The following CUX2 variants were observed in gnomAD, a reference collection of about 807,000 sequenced individuals.
CUX2 encodes the protein homeobox protein cut-like 2.
CUX2 carries 40 observed loss-of-function variants against 144.8 expected under a neutral mutation model. The ratio of observed to expected loss-of-function variants is 0.28; its 90% CI spans 0.21 to 0.36. CUX2 has a LOEUF of 0.36. Among genes scored for constraint, CUX2 ranks in the 10% least tolerant of loss-of-function variants. The pLI is 1.00. For missense variants in CUX2, 1,615 were observed against 1,994.0 expected, an observed-to-expected ratio of 0.81 and a Z score of 3.62; for synonymous variants, 827 against 875.6, an observed-to-expected ratio of 0.94 and a Z score of 0.98.
chr12:111,160,803 G>A lies in CUX2; in HGVS notation c.64-53397G>A, dbSNP rs1877708823. On this transcript the variant is annotated intron_variant, in intron 1 of 21. Coordinates refer to ENST00000261726, the MANE Select transcript of CUX2 (RefSeq NM_015267.4). This position sits in a 1 kb window ranked among gnomAD's most constrained non-coding sequence, Gnocchi z 4.1. ...AGGAGTGGGGCTGATGGGGCTTGCG[G>A]TGATGATGTAATGTGTCGGGATGGA... Among the ~76,000 whole-genome samples the A allele has an allele frequency of 6.6e-6, 1 of 152,154 alleles. No homozygotes were observed. The highest frequency in any genetic ancestry group is 2.4e-5 in the African/African-American group (1 of 41,440).
At position 111,334,476 on chromosome 12, in the gene CUX2, C is replaced by G. The variant is rs1259294051; in HGVS notation, c.2962C>G (p.Pro988Ala). ...PTEPRSSPSP[P>A]PSPTEPEKSS... ...AGAACCAAGGTCCTCACCATCCCCACCCCCCAGCCCCACAGAGCCTGAGAA... is the reference window on the plus strand; with the variant it reads ...AGAACCAAGGTCCTCACCATCCCCAGCCCCCAGCCCCACAGAGCCTGAGAA... The change falls in exon 19 of 22, where the codon CCC becomes GCC. Residue 988 changes from proline to alanine, a missense_variant. By Grantham distance (27) the Pro-to-Ala change is conservative. This residue lies in a region of CUX2 where 128 missense variants were observed against 124.4 expected (regional missense o/e 1.03). Coordinates refer to ENST00000261726, the MANE Select transcript of CUX2 (RefSeq NM_015267.4). The G allele has an allele frequency of 1.9e-6, 3 of 1,603,796 alleles. No individual in the cohort carries two copies. Among genetic ancestry groups the G allele is most frequent in the Non-Finnish European group, 2.6e-6 (3 of 1,174,860 alleles).
chr12:111,270,788 C>T (rs1884608049), intron 4 of CUX2: 1 of 152,146 alleles, frequency 6.6e-6, no homozygotes, highest in South Asian at 2.1e-4. Context: ...TTTGCAATTC[C>T]TGGCAGACAT....
chr12:111,040,416 C>G (rs1168776973), intron 1 of CUX2, among the ~76,000 whole-genome samples: 4 of 152,240 alleles, frequency 2.6e-5, no homozygotes, highest in South Asian at 4.2e-4. Context: ...AACCACTGTA[C>G]CGCAGCGGCC....
rs77166134 is a variant in CUX2 at position 111,117,748 on chromosome 12, T to G, written c.63+83508T>G. On this transcript the variant is annotated intron_variant, in intron 1 of 21. Coordinates refer to ENST00000261726, the MANE Select transcript of CUX2 (RefSeq NM_015267.4). ...CCTATCAGGTAGATACTCTGAGTATTTCCATTTCACAGATGAGAGGACTGA... is the reference window on the plus strand; with the variant it reads ...CCTATCAGGTAGATACTCTGAGTATGTCCATTTCACAGATGAGAGGACTGA... Among the ~76,000 whole-genome samples, 700 of 152,304 alleles carry G rather than the reference T, an allele frequency of 4.6e-3. 4 individuals are homozygous for G. Among genetic ancestry groups the G allele is most frequent in the African/African-American group, 0.016 (653 of 41,570 alleles).
intron 1 of CUX2, among the ~76,000 whole-genome samples, chr12:111,063,309 C>CA (rs1375329115): frequency 3.3e-5 from 5 of 151,824 alleles, no homozygotes; most frequent in African/African-American, 4.8e-5. Flanking sequence ...GAGAAGGATC[C>CA]AAAAAAAACA....
At chr12:111,264,368 T>C (rs1246743001) in intron 4 of CUX2, among the ~76,000 whole-genome samples, 1 of 152,198 alleles carries the variant, frequency 6.6e-6, no homozygotes, top group Non-Finnish European at 1.5e-5. Context: ...GCAATCCATA[T>C]GGCCATCAAT....
Position 111,034,545 on chromosome 12 carries a change from T to C in CUX2, c.63+305T>C, listed in dbSNP as rs1455524615. ...GGCGAGGAGCGGGGAAGGCAGGGGC[T>C]ACGGCCTCGGGCAGGGGGCTGCTGG... is the stretch of plus-strand genomic sequence containing the variant. On this transcript the variant is annotated intron_variant, in intron 1 of 21. Coordinates refer to ENST00000261726, the MANE Select transcript of CUX2 (RefSeq NM_015267.4). The surrounding 1 kb of genome is among the most constrained non-coding windows in gnomAD (Gnocchi z 4.2). Among the ~76,000 whole-genome samples, 1 of 151,478 alleles carries C rather than the reference T, an allele frequency of 6.6e-6. No individual in the cohort carries two copies. The highest frequency in any genetic ancestry group is 1.5e-5 in the Non-Finnish European group (1 of 67,814).
intron 1 of CUX2, among the ~76,000 whole-genome samples, chr12:111,063,422 G>T (rs1377132024): frequency 6.6e-6 from 1 of 151,936 alleles, no homozygotes; most frequent in African/African-American, 2.4e-5. Context: ...GTATCTGTAC[G>T]TGTGTGAGCA....
chr12:111,336,965 A>C (rs932897024), intron 19 of CUX2, among the ~76,000 whole-genome samples: 2 of 151,998 alleles, frequency 1.3e-5, no homozygotes, highest in East Asian at 3.9e-4. Flanking sequence ...GTTGGAGGGC[A>C]TGAGTTCCAG....
intron 3 of CUX2, among the ~76,000 whole-genome samples, chr12:111,239,992 T>C (rs1282658493): frequency 6.6e-6 from 1 of 152,214 alleles, no homozygotes; most frequent in African/African-American, 2.4e-5. Context: ...TGCGGCCAAG[T>C]GAGCTTCACA....
rs564876768 is a variant in CUX2, at chr12:111,096,949, C to T, written c.63+62709C>T. ...CCAAGATCACACCACTGCACTCCAG[C>T]CTGGGCAACAAAGCAGGGCTCCATC... is the stretch of plus-strand genomic sequence containing the variant. On this transcript the variant is annotated intron_variant, in intron 1 of 21. Coordinates refer to ENST00000261726, the MANE Select transcript of CUX2 (RefSeq NM_015267.4). 6.6e-4 allele frequency among the ~76,000 whole-genome samples: 100 copies of T among 152,060 alleles called. 1 individual carries two copies. The South Asian group carries it at 9.6e-3, about 15-fold the overall frequency.
chr12:111,144,856 G>A (rs934853068), intron 1 of CUX2, among the ~76,000 whole-genome samples: 6 of 152,174 alleles, frequency 3.9e-5, no homozygotes, highest in South Asian at 2.1e-4. Flanking sequence ...ACTGTGGGCC[G>A]GGCAGTAGCT....
In CUX2 at chr12:111,255,828, C is replaced by T. The variant is rs1883788747; in HGVS notation, c.223-7933C>T. 6.6e-6 allele frequency among the ~76,000 whole-genome samples: 1 copy of T among 152,208 alleles called. No individual in the cohort carries two copies. Among genetic ancestry groups the T allele is most frequent in the Non-Finnish European group, 1.5e-5 (1 of 68,038 alleles). Reference sequence around the variant, plus strand: ...AGCCAATCGAAGTAGCTGTTACCCCCATTTTCCGGGTGGTAGGAAATCAGA... The same window carrying T: ...AGCCAATCGAAGTAGCTGTTACCCCTATTTTCCGGGTGGTAGGAAATCAGA... On this transcript the variant is annotated intron_variant, in intron 3 of 21. Coordinates refer to ENST00000261726, the MANE Select transcript of CUX2 (RefSeq NM_015267.4). The surrounding 1 kb of genome is among the most constrained non-coding windows in gnomAD (Gnocchi z 4.1).
chr12:111,141,904 C>G (rs537254470), intron 1 of CUX2, among the ~76,000 whole-genome samples: 6 of 152,078 alleles, frequency 3.9e-5, no homozygotes, highest in Non-Finnish European at 7.4e-5. Context: ...GGCCAACATG[C>G]GAAACCCTGT....
chr12:111,326,674 C>T (rs187513344), intron 18 of CUX2, among the ~76,000 whole-genome samples: 21 of 152,112 alleles, frequency 1.4e-4, no homozygotes, highest in East Asian at 1.9e-4. Flanking sequence ...GAGGCCGAGG[C>T]GGGCCGATCA....
At chr12:111,319,923 C>T (rs865894999) in intron 16 of CUX2, 89 bp from the exon 17 acceptor site, 12 of 1,397,808 alleles carry the variant, frequency 8.6e-6, no homozygotes, top group Middle Eastern at 2.0e-4. Context: ...GGACACCGTG[C>T]TGGCATCAAC....
intron 1 of CUX2, among the ~76,000 whole-genome samples, chr12:111,119,353 C>A (rs1389107370): frequency 1.3e-5 from 2 of 151,998 alleles, no homozygotes; most frequent in Non-Finnish European, 2.9e-5. Context: ...CCTGTAATCC[C>A]AACACTTTGG....
chr12:111,256,803 C>T (rs921281276), intron 3 of CUX2, among the ~76,000 whole-genome samples: 3 of 152,314 alleles, frequency 2.0e-5, no homozygotes, highest in Admixed American at 2.0e-4. Flanking sequence ...ACAATGCTCA[C>T]ATCCTAAAGG....
chr12:111,044,115 C>T (rs1163216983), intron 1 of CUX2, among the ~76,000 whole-genome samples: 1 of 152,220 alleles, frequency 6.6e-6, no homozygotes, highest in Non-Finnish European at 1.5e-5. Context: ...CACTGGCTCC[C>T]TCCGGCAGGT....
Sources: allele counts gnomAD v4.1 joint callset (sites outside exome capture counted in the v4.1 genomes callset), GRCh38; gene constraint gnomAD v4.1.1; regional missense constraint gnomAD v4.1.1; non-coding constraint Gnocchi (gnomAD v3.1); transcripts MANE v1.5; gene names NCBI Gene and HGNC (gene_info 2026-07-23, HGNC 2026-07-21).